The following HAAO variants were observed in gnomAD, a reference collection of about 807,000 sequenced individuals.
HAAO encodes the protein 3-hydroxyanthranilate oxygenase.
In HAAO, 49 loss-of-function variants were observed where a neutral mutation model predicts 46.2. That is an observed-to-expected ratio of 1.06 (90% CI 0.84 to 1.34). The LOEUF (loss-of-function observed/expected upper bound fraction) is 1.34. HAAO is among the 40% of genes most tolerant of loss of function. The pLI is 0.00. For missense variants in HAAO, 408 were observed against 364.5 expected (o/e 1.12, Z -0.97); for synonymous variants, 157 against 145.2 (o/e 1.08, Z -0.58).
rs1471953607 is a variant in HAAO at position 42,767,892 on chromosome 2, T to G, written c.667A>C (p.Arg223=). The G allele has an allele frequency of 1.2e-6, 2 of 1,614,032 alleles. No homozygotes were observed. Among genetic ancestry groups the G allele is most frequent in the South Asian group, 1.1e-5 (1 of 91,084 alleles). ...CACAGCCACACGTCCACATTCTGTC[T>G]CAGGCCTTCGCTGCTGCCTTGCCCA... The part of the protein sequence containing the change: ...AYGQGSSEGL[R]QNVDVWLWQL... Residue 223 remains arginine (R), a synonymous_variant, in exon 8 of 10, where the codon AGA becomes CGA. Transcript: ENST00000294973.
At chr2:42,786,009 C>CTCTGTGTG (rs1372722035) in intron 2 of HAAO, among the ~76,000 whole-genome samples, 6 of 106,090 alleles carry the variant, frequency 5.7e-5, no homozygotes, top group Non-Finnish European at 9.3e-5. Context: ...GAGGAAGCCT[C>CTCTGTGTG]TGTGTGTGTG....
At chr2:42,767,773 G>A (rs183525556) in intron 8 of HAAO, 87 bp downstream of exon 8, 108 of 1,545,444 alleles carry the variant, frequency 7.0e-5, no homozygotes, top group Middle Eastern at 1.7e-4. Flanking sequence ...CCCCAAGAGT[G>A]GGCCCCGTGT....
chr2:42,792,507 C>G lies in HAAO; in HGVS notation c.30G>C (p.Trp10Cys), dbSNP rs151014776. 530 of 1,593,504 alleles carry G rather than the reference C, an allele frequency of 3.3e-4. 5 individuals carry two copies. The African/African-American group carries it at 6.6e-3, about 20-fold the overall frequency. Residue 10 changes from tryptophan to cysteine, a missense_variant, in exon 1 of 10, where the codon TGG (tryptophan) becomes TGC (cysteine). By Grantham distance (215) the Trp-to-Cys change is radical. Transcript: ENST00000294973. MERRLGVRA[W>C]VKENRGSFQP... ...GGAAGGAGCCCCGGTTCTCCTTCAC[C>G]CAGGCCCTCACTCCCAGGCGGCGCT...
chr2:42,782,952 T>C, intron 4 of HAAO: 1 of 447,104 alleles, frequency 2.2e-6, no homozygotes, highest in Non-Finnish European at 4.4e-6. Flanking sequence ...CTCCTGAGGC[T>C]GTGTCACGGG....
At chr2:42,779,307 C>G (rs1323987311) in intron 4 of HAAO, among the ~76,000 whole-genome samples, 1 of 149,358 alleles carries the variant, frequency 6.7e-6, no homozygotes, top group Admixed American at 6.7e-5. Context: ...ATTTTGAAAA[C>G]TATAGTTAAT....
intron 6 of HAAO, 88 bp from the exon 7 acceptor site, chr2:42,769,946 C>A: frequency 7.1e-7 from 1 of 1,402,580 alleles, no homozygotes; most frequent in South Asian, 1.3e-5. Context: ...CCCCAGGTCT[C>A]AATTGCCAGA....
chr2:42,782,848 T>G (rs537311959), intron 4 of HAAO: 60 of 453,948 alleles, frequency 1.3e-4, no homozygotes, highest in African/African-American at 8.3e-4. Flanking sequence ...AGAACCAATG[T>G]TTATCTTACA....
chr2:42,768,939 AGCTCAT>A (rs1448332837), intron 7 of HAAO, among the ~76,000 whole-genome samples: 1 of 152,118 alleles, frequency 6.6e-6, no homozygotes, highest in Non-Finnish European at 1.5e-5. Context: ...AGCCTGAAAC[AGCTCAT>A]GCTCATGCTT....
In HAAO at chr2:42,767,181, C is replaced by T. The variant is rs557281139; in HGVS notation, c.*256G>A. 67 of 584,894 alleles carry T rather than the reference C, an allele frequency of 1.1e-4. No homozygotes were observed. Among genetic ancestry groups the T allele is most frequent in the East Asian group, 1.0e-3 (35 of 35,036 alleles). The allele number at this position is 584,894 out of a possible 1,614,324, so 36.2% of individuals were successfully genotyped here. A position where few individuals can be genotyped will look rare whatever the true frequency, so the allele number is the denominator to read the frequency against. ...ACAGAGGAATGGGCAGGAGCGGGGC[C>T]GGGGGTAGACCACCTGGCAAGACTG... is the stretch of plus-strand genomic sequence containing the variant. On this transcript the variant is annotated 3_prime_UTR_variant, in exon 10 of 10. Transcript: ENST00000294973.
At position 42,783,292 on chromosome 2, in the gene HAAO, C is replaced by T. The variant is rs1385696212; in HGVS notation, c.350+22G>A. 4 of 1,444,228 alleles carry T rather than the reference C, an allele frequency of 2.8e-6. No individual in the cohort carries two copies. The East Asian group carries it at 6.9e-5, about 25-fold the overall frequency. The allele number at this position is 1,444,228 out of a possible 1,614,324, so 89.5% of individuals were successfully genotyped here. A position where few individuals can be genotyped will look rare whatever the true frequency, so the allele number is the denominator to read the frequency against. On this transcript the variant is annotated intron_variant, in intron 4 of 9. Coordinates refer to ENST00000294973, the MANE Select transcript of HAAO (RefSeq NM_012205.3). The stretch of plus-strand genomic sequence containing the variant: ...TCTGCTGTTTGCCCTTTCTCTGCCC[C>T]AGCCCTCCAGACAGAATTTACCTGA...
chr2:42,777,288 G>C (rs1334969281), intron 4 of HAAO, among the ~76,000 whole-genome samples: 1 of 111,404 alleles, frequency 9.0e-6, no homozygotes, highest in East Asian at 2.7e-4. Flanking sequence ...AGGTGACAGA[G>C]CAAGACTCTT....
intron 3 of HAAO, 71 bp downstream of exon 3, chr2:42,783,713 G>C (rs775896754): frequency 7.5e-7 from 1 of 1,325,448 alleles, no homozygotes; most frequent in East Asian, 2.4e-5. Flanking sequence ...CCAGGGCCAG[G>C]ATGAGTGGAC....
At chr2:42,772,933 C>CAAAAAA (rs530541628) in intron 4 of HAAO, among the ~76,000 whole-genome samples, 1 of 92,472 alleles carries the variant, frequency 1.1e-5, no homozygotes, top group Non-Finnish European at 2.3e-5. Flanking sequence ...GCCCCCATAT[C>CAAAAAA]AAAAAAAAAA....
Position 42,767,468 on chromosome 2 carries a change from T to C in HAAO, c.830A>G (p.Gln277Arg), listed in dbSNP as rs1199617692. 5.6e-6 allele frequency: 9 copies of C among 1,613,404 alleles called. No individual in the cohort carries two copies. Among genetic ancestry groups the C allele is most frequent in the Non-Finnish European group, 7.6e-6 (9 of 1,179,780 alleles). Residue 277 changes from glutamine to arginine, a missense_variant, in exon 10 of 10, where the codon CAG becomes CGG. Gln to Arg is a conservative substitution (Grantham distance 43). Transcript: ENST00000294973. ...TQGSVALSVTQDPACKKPLG is the reference protein window; with the variant it reads ...TQGSVALSVTRDPACKKPLG ...CAGGGGCTTCTTGCAGGCAGGGTCCTGGGTCACAGACAGGGCCACAGAGCC... is the reference window on the plus strand; with the variant it reads ...CAGGGGCTTCTTGCAGGCAGGGTCCCGGGTCACAGACAGGGCCACAGAGCC...
chr2:42,788,492 C>T lies in HAAO; in HGVS notation c.159+37G>A, dbSNP rs766228505. 6 of 1,354,528 alleles carry T rather than the reference C, an allele frequency of 4.4e-6. No homozygotes were observed. The South Asian group carries it at 7.1e-5, about 16-fold the overall frequency. 83.9% of individuals were successfully genotyped at this position (1,354,528 alleles called of 1,614,324 possible). On this transcript the variant is annotated intron_variant, in intron 2 of 9. Coordinates refer to ENST00000294973, the MANE Select transcript of HAAO (RefSeq NM_012205.3). ...CTCCCGCTAGGGCCAGGCTCCTTGC[C>T]CGCAGGCCTAGATCCAGGGAGACCA... is the stretch of plus-strand genomic sequence containing the variant.
At chr2:42,783,706 G>C (rs1672177971) in intron 3 of HAAO, 78 bp downstream of exon 3, 4 of 1,268,400 alleles carry the variant, frequency 3.2e-6, no homozygotes, top group Non-Finnish European at 4.5e-6. Context: ...ACCTCAGCCA[G>C]GGCCAGGATG....
chr2:42,786,438 A>G (rs1250269026), intron 2 of HAAO, among the ~76,000 whole-genome samples: 1 of 152,214 alleles, frequency 6.6e-6, no homozygotes, highest in Non-Finnish European at 1.5e-5. Flanking sequence ...TGACCTGGAA[A>G]GGCCTTTCAG....
intron 4 of HAAO, among the ~76,000 whole-genome samples, chr2:42,777,022 C>G (rs1213235297): frequency 6.6e-6 from 1 of 151,622 alleles, no homozygotes; most frequent in Admixed American, 6.6e-5. Context: ...GAAAGTCTGA[C>G]CGGGCATGGT....
In HAAO at chr2:42,788,529, C is replaced by T; in HGVS notation, c.159G>A (p.Glu53=). The change falls in exon 2 of 10, where the codon GAG becomes GAA. Residue 53 remains glutamate (E), a splice_region_variant and synonymous_variant. Transcript: ENST00000294973. The part of the protein sequence containing the change: ...RKDYHIEEGE[E]VFYQLEGDMV... ...ATCCAGGGAGACCAGTCAAACCTAC[C>T]TCTTCACCCTCTTCGATGTGATAGT... 6.3e-7 allele frequency: 1 copy of T among 1,593,506 alleles called. No homozygotes were observed. Among genetic ancestry groups the T allele is most frequent in the East Asian group, 2.2e-5 (1 of 44,696 alleles).
Sources: allele counts gnomAD v4.1 joint callset (sites outside exome capture counted in the v4.1 genomes callset), GRCh38; gene constraint gnomAD v4.1.1; transcripts MANE v1.5; gene names NCBI Gene and HGNC (gene_info 2026-07-23, HGNC 2026-07-21).